The following STK4 variants were observed in gnomAD, a reference collection of about 807,000 sequenced individuals.
The protein encoded by STK4 is serine/threonine kinase 4, also known as serine/threonine-protein kinase 4.
In STK4, 30 loss-of-function variants were observed where a neutral mutation model predicts 64.9. The ratio of observed to expected loss-of-function variants is 0.46; its 90% CI spans 0.35 to 0.63. The LOEUF (loss-of-function observed/expected upper bound fraction) is 0.63. STK4 is among the 20% of genes least tolerant of loss of function. The pLI is 0.01. For synonymous variants in STK4, 177 were observed against 199.0 expected (o/e 0.89, Z 0.93); for missense variants, 466 against 598.5 (o/e 0.78, Z 2.31).
intron 5 of STK4, among the ~76,000 whole-genome samples, chr20:44,993,638 T>C (rs2067675287): frequency 6.6e-6 from 1 of 152,260 alleles, no homozygotes; most frequent in Admixed American, 6.5e-5. Flanking sequence ...AGAAGGAATA[T>C]CAGTGATGAT....
chr20:44,991,288 C>G (rs1419452004), intron 5 of STK4, among the ~76,000 whole-genome samples: 1 of 152,180 alleles, frequency 6.6e-6, no homozygotes, highest in African/African-American at 2.4e-5. Flanking sequence ...AGAGTTTTCC[C>G]ACCACTATAA....
chr20:45,025,394 A>G (rs1054028378), intron 10 of STK4, among the ~76,000 whole-genome samples: 6 of 152,220 alleles, frequency 3.9e-5, no homozygotes, highest in Non-Finnish European at 8.8e-5. Flanking sequence ...GAAGTATTCA[A>G]TCATCAAATG....
chr20:45,010,658 T>C (rs2068028789), intron 9 of STK4, among the ~76,000 whole-genome samples: 1 of 152,212 alleles, frequency 6.6e-6, no homozygotes, highest in Non-Finnish European at 1.5e-5. Context: ...TTTCAGTGGT[T>C]ATGTTCTGAA....
chr20:45,045,805 G>A (rs1221300420), intron 10 of STK4, among the ~76,000 whole-genome samples: 2 of 146,426 alleles, frequency 1.4e-5, no homozygotes, highest in African/African-American at 5.1e-5. Flanking sequence ...TTTTTTTTTT[G>A]TTTGTTCGTT....
At chr20:44,990,663 T>C (rs1460197909) in intron 5 of STK4, among the ~76,000 whole-genome samples, 19 of 152,144 alleles carry the variant, frequency 1.2e-4, no homozygotes. Context: ...TTAATGTTCC[T>C]GATTCACAAC....
At chr20:45,073,585 T>C (rs771383933) in intron 10 of STK4, among the ~76,000 whole-genome samples, 1 of 152,228 alleles carries the variant, frequency 6.6e-6, no homozygotes, top group African/African-American at 2.4e-5. Context: ...AACAGACCTC[T>C]TGTAAGACTT....
intron 5 of STK4, among the ~76,000 whole-genome samples, chr20:44,989,975 G>T (rs1414853107): frequency 6.6e-6 from 1 of 152,208 alleles, no homozygotes; most frequent in African/African-American, 2.4e-5. Flanking sequence ...TTGGTTAAGT[G>T]TGAGTGTTCC....
At chr20:44,993,574 T>C (rs901322390) in intron 5 of STK4, among the ~76,000 whole-genome samples, 5 of 152,380 alleles carry the variant, frequency 3.3e-5, no homozygotes, top group Admixed American at 6.5e-5. Flanking sequence ...TGAGATTGAT[T>C]TAAATGACCT....
Position 45,049,719 on chromosome 20 carries a change from G to A in STK4, c.1305+24589G>A, listed in dbSNP as rs1426574731. 2.6e-5 allele frequency among the ~76,000 whole-genome samples: 4 copies of A among 152,096 alleles called. No homozygotes were observed. The East Asian group carries it at 5.8e-4, about 22-fold the overall frequency. ...AATAATGCTTGAGTTCCTGGTATTCGGTTAATGGAGTTTTACGTACAGTGA... is the reference window on the plus strand; with the variant it reads ...AATAATGCTTGAGTTCCTGGTATTCAGTTAATGGAGTTTTACGTACAGTGA... On this transcript the variant is annotated intron_variant, in intron 10 of 10. Coordinates refer to ENST00000372806, the MANE Select transcript of STK4 (RefSeq NM_006282.5).
chr20:45,074,272 G>T (rs958701537), intron 10 of STK4, among the ~76,000 whole-genome samples: 3 of 152,194 alleles, frequency 2.0e-5, no homozygotes, highest in African/African-American at 7.2e-5. Context: ...AGCACTCAGT[G>T]TCTGGTGCAT....
intron 9 of STK4, among the ~76,000 whole-genome samples, chr20:45,019,166 C>G (rs1445969258): frequency 6.6e-6 from 1 of 152,112 alleles, no homozygotes; most frequent in Non-Finnish European, 1.5e-5. Context: ...TTTTTATCAT[C>G]CCCTCAAAAA....
At chr20:45,001,598 A>G (rs1190696512) in intron 9 of STK4, among the ~76,000 whole-genome samples, 1 of 152,114 alleles carries the variant, frequency 6.6e-6, no homozygotes, top group Admixed American at 6.5e-5. Context: ...CAGAGCAGCC[A>G]TTTTCTCATT....
chr20:45,005,647 CAAAAA>C (rs1214893882), intron 9 of STK4, among the ~76,000 whole-genome samples: 1 of 65,704 alleles, frequency 1.5e-5, no homozygotes, highest in Non-Finnish European at 3.1e-5. Context: ...GACTCTGTCT[CAAAAA>C]AAAAAAAAAA....
chr20:44,969,522 T>G (rs1204230713), intron 1 of STK4, among the ~76,000 whole-genome samples: 4 of 115,120 alleles, frequency 3.5e-5, no homozygotes, highest in Non-Finnish European at 7.7e-5. Flanking sequence ...TGTGTGTGAT[T>G]AAGTGATGAC....
intron 10 of STK4, among the ~76,000 whole-genome samples, chr20:45,064,553 A>T (rs1465489700): frequency 6.6e-6 from 1 of 152,156 alleles, no homozygotes; most frequent in African/African-American, 2.4e-5. Flanking sequence ...GATTCTTCCC[A>T]TCTATGAACA....
chr20:44,969,106 C>G (rs1373700241), intron 1 of STK4, among the ~76,000 whole-genome samples: 2 of 152,156 alleles, frequency 1.3e-5, no homozygotes, highest in Non-Finnish European at 2.9e-5. Flanking sequence ...TTAGGGCATG[C>G]CCATATGACC....
intron 4 of STK4, among the ~76,000 whole-genome samples, chr20:44,983,425 G>T (rs545077305): frequency 1.3e-5 from 2 of 152,210 alleles, no homozygotes; most frequent in African/African-American, 4.8e-5. Context: ...AACATAGCGA[G>T]ACCTCGTCTC....
chr20:45,047,397 T>G (rs150563091), intron 10 of STK4, among the ~76,000 whole-genome samples: 1 of 152,348 alleles, frequency 6.6e-6, no homozygotes, highest in Non-Finnish European at 1.5e-5. Flanking sequence ...GTGCCGATGG[T>G]AAACATTCAT....
At chr20:44,993,091 G>A (rs1004307374) in intron 5 of STK4, among the ~76,000 whole-genome samples, 4 of 150,620 alleles carry the variant, frequency 2.7e-5, no homozygotes, top group African/African-American at 9.7e-5. Flanking sequence ...TATAAGGTAG[G>A]CATTTAAGTG....
Sources: allele counts gnomAD v4.1 joint callset (sites outside exome capture counted in the v4.1 genomes callset), GRCh38; gene constraint gnomAD v4.1.1; transcripts MANE v1.5; gene names NCBI Gene and HGNC (gene_info 2026-07-23, HGNC 2026-07-21).